AAK1: variants seen among roughly 807,000 people sequenced by gnomAD.
AAK1 encodes the protein AP2-associated protein kinase 1.
AAK1 carries 37 observed loss-of-function variants against 116.0 expected under a neutral mutation model. The observed-to-expected ratio is 0.32, with a 90% CI of 0.25 to 0.42. The LOEUF is 0.42. Among genes scored for constraint, AAK1 ranks in the 10% least tolerant of loss-of-function variants. The pLI is 1.00. For missense variants in AAK1, 919 were observed against 1,170.6 expected (o/e 0.79, Z 3.14); for synonymous variants, 458 against 439.9 (o/e 1.04, Z -0.51).
At position 69,463,985 on chromosome 2, in the gene AAK1, GA is replaced by G. The variant is rs1674409367; in HGVS notation, c.*11883del. On this transcript the variant is annotated 3_prime_UTR_variant, in exon 22 of 22. Transcript: ENST00000409085. ...TTAAGGCACTAATAATAAAGGGTAT[GA>G]AAAAAGCTAGGAATAAGTCAGATCT... 6.6e-6 allele frequency: 1 copy of G among 152,408 alleles called. No individual in the cohort carries two copies. The highest frequency in any genetic ancestry group is 1.5e-5 in the Non-Finnish European group (1 of 67,984). The allele number at this position is 152,408 out of a possible 1,614,324, so 9.4% of individuals were successfully genotyped here.
intron 2 of AAK1, among the ~76,000 whole-genome samples, chr2:69,609,409 C>T (rs1405874041): frequency 2.0e-5 from 3 of 151,452 alleles, no homozygotes; most frequent in African/African-American, 2.4e-5. Context: ...AGGCCAGGCA[C>T]GGTGGCTCAG....
At chr2:69,591,537 T>C (rs1277647741) in intron 2 of AAK1, among the ~76,000 whole-genome samples, 2 of 149,156 alleles carry the variant, frequency 1.3e-5, no homozygotes, top group African/African-American at 5.0e-5. Context: ...TTTTTTTTTT[T>C]TGAGAGGGAG....
At chr2:69,622,435 A>G (rs1478893774) in intron 2 of AAK1, among the ~76,000 whole-genome samples, 1 of 152,118 alleles carries the variant, frequency 6.6e-6, no homozygotes, top group Non-Finnish European at 1.5e-5. Context: ...GGTGCACGGC[A>G]CGGGACCGGC....
intron 3 of AAK1, among the ~76,000 whole-genome samples, chr2:69,552,608 G>A (rs1397050763): frequency 6.6e-6 from 1 of 152,114 alleles, no homozygotes; most frequent in African/African-American, 2.4e-5. Flanking sequence ...CTACTCGGGA[G>A]GCTGAGGCAG....
intron 16 of AAK1, among the ~76,000 whole-genome samples, chr2:69,503,765 C>T (rs975454725): frequency 6.6e-6 from 1 of 152,178 alleles, no homozygotes; most frequent in South Asian, 2.1e-4. Context: ...AAGCGATCTG[C>T]CCACCTCGGC....
intron 2 of AAK1, among the ~76,000 whole-genome samples, chr2:69,581,844 T>TG (rs2105144626): frequency 6.6e-6 from 1 of 152,084 alleles, no homozygotes; most frequent in Admixed American, 6.5e-5. Flanking sequence ...TAGCCAGGCA[T>TG]GGTGGTGCGC....
chr2:69,568,891 G>A (rs556206606), intron 2 of AAK1, among the ~76,000 whole-genome samples: 10 of 152,130 alleles, frequency 6.6e-5, no homozygotes, highest in African/African-American at 9.7e-5. Context: ...CCCCTAGGTC[G>A]TGGTCCTTCA....
intron 16 of AAK1, among the ~76,000 whole-genome samples, chr2:69,504,397 C>CAAAAAAAAAAAA (rs57214954): frequency 1.7e-5 from 1 of 57,776 alleles, no homozygotes; most frequent in African/African-American, 6.9e-5. Flanking sequence ...GACTCCATCT[C>CAAAAAAAAAAAA]AAAAAAAAAA....
intron 14 of AAK1, among the ~76,000 whole-genome samples, chr2:69,508,681 A>G (rs2104967191): frequency 6.6e-6 from 1 of 152,380 alleles, no homozygotes; most frequent in Middle Eastern, 3.4e-3. Context: ...GGAAGGGTCA[A>G]GGAAAAGTCA....
rs556045488 is a variant in AAK1 at position 69,474,537 on chromosome 2, AT to A, written c.*1331del. On this transcript the variant is annotated 3_prime_UTR_variant, in exon 22 of 22. Coordinates refer to ENST00000409085, the MANE Select transcript of AAK1 (RefSeq NM_014911.5). The stretch of plus-strand genomic sequence containing the variant: ...AGTTAATAAAGAACTATGCTTTATT[AT>A]TTTTTTTTAATCTAGGAAGCCAAGG... The A allele has an allele frequency of 4.7e-5, 46 of 974,306 alleles. No homozygotes were observed. The highest frequency in any genetic ancestry group is 1.1e-4 in the East Asian group (1 of 8,744). 60.4% of individuals were successfully genotyped at this position (974,306 alleles called of 1,614,324 possible).
intron 2 of AAK1, among the ~76,000 whole-genome samples, chr2:69,633,581 C>T (rs1210208612): frequency 7.2e-6 from 1 of 138,872 alleles, no homozygotes; most frequent in African/African-American, 2.7e-5. Context: ...AGCCTGGCGA[C>T]AGAATGAGAC....
intron 2 of AAK1, among the ~76,000 whole-genome samples, chr2:69,635,616 G>A (rs1439037788): frequency 1.3e-5 from 2 of 152,196 alleles, no homozygotes; most frequent in South Asian, 4.1e-4. Context: ...AAACAGGAAG[G>A]AAATTCTGAC....
intron 2 of AAK1, among the ~76,000 whole-genome samples, chr2:69,619,132 C>A (rs562288232): frequency 1.7e-4 from 26 of 152,278 alleles, no homozygotes; most frequent in South Asian, 8.3e-4. Context: ...AATCACACAG[C>A]CTTACAAGAC....
chr2:69,530,817 T>C lies in AAK1; in HGVS notation c.657-111A>G, dbSNP rs977300381. 3 of 748,166 alleles carry C rather than the reference T, an allele frequency of 4.0e-6. No individual in the cohort carries two copies. In the African/African-American group the frequency reaches 5.3e-5, roughly 13 times the overall value. The allele number at this position is 748,166 out of a possible 1,614,324, so 46.3% of individuals were successfully genotyped here. ...ACATTAACAGAATCCCTGGGAGCAA[T>C]CTGCAGAAGAGAGTATGAAATATTA... On this transcript the variant is annotated intron_variant, in intron 6 of 21. Coordinates refer to ENST00000409085, the MANE Select transcript of AAK1 (RefSeq NM_014911.5).
intron 2 of AAK1, among the ~76,000 whole-genome samples, chr2:69,607,046 CAAAAAAAAAAAAA>C (rs61156108): frequency 1.5e-5 from 1 of 68,844 alleles, no homozygotes; most frequent in Admixed American, 1.5e-4. Flanking sequence ...AGTCTTGCCT[CAAAAAAAAAAAAA>C]AAAAAAAAAA....
intron 2 of AAK1, among the ~76,000 whole-genome samples, chr2:69,624,166 C>T (rs1185817763): frequency 2.0e-5 from 3 of 152,134 alleles, no homozygotes; most frequent in African/African-American, 7.2e-5. Context: ...TGGAGGCCAG[C>T]TTGTAATTTG....
At chr2:69,516,292 C>T (rs550121170) in intron 12 of AAK1, among the ~76,000 whole-genome samples, 37 of 149,306 alleles carry the variant, frequency 2.5e-4, no homozygotes, top group Admixed American at 4.0e-4. Flanking sequence ...TATGTTAATG[C>T]TGTTAAGAAT....
At chr2:69,618,729 C>A in intron 2 of AAK1, among the ~76,000 whole-genome samples, 1 of 152,158 alleles carries the variant, frequency 6.6e-6, no homozygotes, top group Non-Finnish European at 1.5e-5. Context: ...TCTGGGTGGT[C>A]TCAAAATCCA....
chr2:69,482,275 C>A, intron 18 of AAK1: 1 of 285,246 alleles, frequency 3.5e-6, no homozygotes, highest in Non-Finnish European at 6.5e-6. Flanking sequence ...TTGCTTGAAC[C>A]CGGGAGATGG....
Sources: allele counts gnomAD v4.1 joint callset (sites outside exome capture counted in the v4.1 genomes callset), GRCh38; gene constraint gnomAD v4.1.1; transcripts MANE v1.5; gene names NCBI Gene and HGNC (gene_info 2026-07-23, HGNC 2026-07-21).